FNIP1: variants seen among roughly 807,000 people sequenced by gnomAD.
FNIP1 encodes the protein folliculin-interacting protein 1.
FNIP1 carries 40 observed loss-of-function variants against 124.5 expected under a neutral mutation model. The observed-to-expected ratio is 0.32, with a 90% CI of 0.25 to 0.42. FNIP1 has a LOEUF of 0.42. Among genes scored for constraint, FNIP1 ranks in the 10% least tolerant of loss-of-function variants. FNIP1 has a pLI of 1.00. For missense variants in FNIP1, 1,176 were observed against 1,403.7 expected, an observed-to-expected ratio of 0.84 and a Z score of 2.59; for synonymous variants, 472 against 470.6, an observed-to-expected ratio of 1.00 and a Z score of -0.04.
chr5:131,759,434 C>A (rs1216420476), intron 1 of FNIP1, among the ~76,000 whole-genome samples: 1 of 151,858 alleles, frequency 6.6e-6, no homozygotes, highest in Non-Finnish European at 1.5e-5. Context: ...AAAAAATGGC[C>A]AAAGACATGC....
intron 11 of FNIP1, among the ~76,000 whole-genome samples, chr5:131,693,342 A>ATATATATATG (rs1561658415): frequency 1.5e-5 from 2 of 130,980 alleles, no homozygotes; most frequent in African/African-American, 5.7e-5. Context: ...ACATATATAT[A>ATATATATATG]TATATATATA....
chr5:131,677,468 C>A (rs1298916203), intron 13 of FNIP1: 5 of 410,568 alleles, frequency 1.2e-5, no homozygotes, highest in Non-Finnish European at 2.2e-5. Flanking sequence ...TACTAGTAAA[C>A]GAGCTATCAG....
intron 15 of FNIP1, among the ~76,000 whole-genome samples, chr5:131,653,988 C>T (rs1435312539): frequency 1.3e-5 from 2 of 152,256 alleles, no homozygotes; most frequent in Non-Finnish European, 2.9e-5. Context: ...AATCCACCTA[C>T]CTTGGCCTCC....
chr5:131,702,042 ATG>A (rs1380439886), intron 10 of FNIP1, among the ~76,000 whole-genome samples: 1 of 152,240 alleles, frequency 6.6e-6, no homozygotes, highest in Non-Finnish European at 1.5e-5. Context: ...ATTCGCCAAG[ATG>A]TTAACGATAG....
chr5:131,729,187 T>C (rs1356938085), intron 3 of FNIP1, among the ~76,000 whole-genome samples: 1 of 152,192 alleles, frequency 6.6e-6, no homozygotes, highest in African/African-American at 2.4e-5. Flanking sequence ...GGAGGTAGTC[T>C]GTCCCTTACC....
rs374816276 is a variant in FNIP1, at chr5:131,699,020, A to G, written c.1117-18T>C. ...TTCATAGCCTTGAAAACAATCATTG[A>G]GATAGTTAATTCTTATGTTAATCAT... On this transcript the variant is annotated intron_variant, in intron 10 of 17. Transcript: ENST00000510461. The G allele has an allele frequency of 4.1e-5, 66 of 1,593,464 alleles. No homozygotes were observed. Among genetic ancestry groups the G allele is most frequent in the African/African-American group, 2.7e-5 (2 of 73,844 alleles).
At chr5:131,736,055 G>T (rs141829430) in intron 2 of FNIP1, among the ~76,000 whole-genome samples, 3 of 152,186 alleles carry the variant, frequency 2.0e-5, no homozygotes, top group Admixed American at 2.0e-4. Flanking sequence ...GATTACAGGT[G>T]TGAGCCACTG....
At chr5:131,700,986 A>C (rs1768881739) in intron 10 of FNIP1, among the ~76,000 whole-genome samples, 1 of 152,216 alleles carries the variant, frequency 6.6e-6, no homozygotes, top group Admixed American at 6.5e-5. Flanking sequence ...TGTACATTTT[A>C]GGTCGGGGTC....
At chr5:131,718,891 C>G in intron 5 of FNIP1, 95 bp downstream of exon 5, 2 of 976,756 alleles carry the variant, frequency 2.0e-6, no homozygotes, top group Non-Finnish European at 3.1e-6. Context: ...GACAGAAAAT[C>G]TGAACTTGTG....
Position 131,677,915 on chromosome 5 carries a change from T to C in FNIP1, c.1350-43A>G, listed in dbSNP as rs372530755. On this transcript the variant is annotated intron_variant, in intron 12 of 17. Transcript: ENST00000510461. ...CTGATCAGATTCCAATCAGTCTTCA[T>C]GAAACCTTAGGTAAAATGTAGTGAA... The C allele has an allele frequency of 3.8e-6, 6 of 1,581,892 alleles. No homozygotes were observed. In the Admixed American group the frequency reaches 5.2e-5, roughly 14 times the overall value.
At chr5:131,761,901 G>A (rs1281475981) in intron 1 of FNIP1, among the ~76,000 whole-genome samples, 1 of 152,118 alleles carries the variant, frequency 6.6e-6, no homozygotes, top group East Asian at 1.9e-4. Context: ...CATGATACTG[G>A]TATAAAAACA....
At chr5:131,780,921 G>GAAA (rs1554100404) in intron 1 of FNIP1, among the ~76,000 whole-genome samples, 7 of 152,206 alleles carry the variant, frequency 4.6e-5, no homozygotes, top group Admixed American at 2.0e-4. Flanking sequence ...ATCAAGCGTA[G>GAAA]TGAGGAAGGC....
In FNIP1 at chr5:131,670,538, G is replaced by T. The variant is rs763849032; in HGVS notation, c.3033C>A (p.Asp1011Glu). 6.2e-7 allele frequency: 1 copy of T among 1,613,776 alleles called. No individual in the cohort carries two copies. Among genetic ancestry groups the T allele is most frequent in the Admixed American group, 1.7e-5 (1 of 59,928 alleles). ...LGGYCSSYVPDFVLQGIGSDE... is the reference protein window; with the variant it reads ...LGGYCSSYVPEFVLQGIGSDE... ...CACTCCCAATTCCTTGAAGAACAAA[G>T]TCAGGCACATAAGATGAGCAGTAGC... is the stretch of plus-strand genomic sequence containing the variant. Residue 1011 changes from aspartate (D) to glutamate (E), a missense_variant, in exon 15 of 18, where the codon GAC becomes GAA. By Grantham distance (45) the Asp-to-Glu change is conservative. Around this residue, in one of 2 missense-constraint regions of FNIP1, gnomAD observed 1,109 missense variants for 1,288.5 expected, o/e 0.86. Coordinates refer to ENST00000510461, the MANE Select transcript of FNIP1 (RefSeq NM_133372.3).
At chr5:131,700,142 C>T (rs1400619192) in intron 10 of FNIP1, among the ~76,000 whole-genome samples, 1 of 151,730 alleles carries the variant, frequency 6.6e-6, no homozygotes, top group Non-Finnish European at 1.5e-5. Flanking sequence ...CACCACCATG[C>T]CCCGCTAATT....
chr5:131,674,220 A>G lies in FNIP1; in HGVS notation c.1520-1296T>C, dbSNP rs190386241. Among the ~76,000 whole-genome samples, 572 of 152,260 alleles carry G rather than the reference A, an allele frequency of 3.8e-3. 4 individuals carry two copies. Among genetic ancestry groups the G allele is most frequent in the African/African-American group, 0.013 (540 of 41,542 alleles). ...CTCAGGATAGGCCAGAAAGGGCAGG[A>G]AGAGAGAGACTCATCCTTACTAAAA... On this transcript the variant is annotated intron_variant, in intron 13 of 17. Coordinates refer to ENST00000510461, the MANE Select transcript of FNIP1 (RefSeq NM_133372.3).
In FNIP1 at chr5:131,642,147, T is replaced by C. The variant is rs186749810; in HGVS notation, c.*2538A>G. 2.6e-5 allele frequency: 4 copies of C among 152,928 alleles called. No individual in the cohort carries two copies. The highest frequency in any genetic ancestry group is 2.6e-4 in the Admixed American group (4 of 15,302). The allele number at this position is 152,928 out of a possible 1,614,324, so 9.5% of individuals were successfully genotyped here. On this transcript the variant is annotated 3_prime_UTR_variant, in exon 18 of 18. Coordinates refer to ENST00000510461, the MANE Select transcript of FNIP1 (RefSeq NM_133372.3). ...CAGGTTTTTTTTGATATGTAACAACTGTCTGTACCATAACTTGTAAAAATT... is the reference window on the plus strand; with the variant it reads ...CAGGTTTTTTTTGATATGTAACAACCGTCTGTACCATAACTTGTAAAAATT...
intron 15 of FNIP1, among the ~76,000 whole-genome samples, chr5:131,664,191 A>C (rs1767525610): frequency 6.6e-6 from 1 of 152,204 alleles, no homozygotes; most frequent in Non-Finnish European, 1.5e-5. Flanking sequence ...ACATGTCTGA[A>C]TAACATGGTT....
intron 17 of FNIP1, among the ~76,000 whole-genome samples, chr5:131,645,859 T>C (rs1177307815): frequency 1.3e-5 from 2 of 152,188 alleles, no homozygotes; most frequent in African/African-American, 4.8e-5. Flanking sequence ...AAAAGGCAAG[T>C]TGTACAAGGA....
At chr5:131,675,679 T>C (rs1767888774) in intron 13 of FNIP1, among the ~76,000 whole-genome samples, 1 of 151,976 alleles carries the variant, frequency 6.6e-6, no homozygotes, top group Non-Finnish European at 1.5e-5. Flanking sequence ...TGACAGAAAG[T>C]AGGCCAGTGG....
Sources: allele counts gnomAD v4.1 joint callset (sites outside exome capture counted in the v4.1 genomes callset), GRCh38; gene constraint gnomAD v4.1.1; regional missense constraint gnomAD v4.1.1; transcripts MANE v1.5; gene names NCBI Gene and HGNC (gene_info 2026-07-23, HGNC 2026-07-21).